The following RFX4 variants were observed in gnomAD, a reference collection of about 807,000 sequenced individuals.
RFX4 encodes the protein regulatory factor X4.
Under a neutral mutation model 95.0 loss-of-function variants are expected in RFX4, and 10 were observed. The ratio of observed to expected loss-of-function variants is 0.11; its 90% CI spans 0.06 to 0.18. The LOEUF (loss-of-function observed/expected upper bound fraction) is 0.18. RFX4 is among the 10% of genes least tolerant of loss of function. RFX4 has a pLI of 1.00. For synonymous variants in RFX4, 321 were observed against 340.7 expected (o/e 0.94, Z 0.64); for missense variants, 640 against 922.0 (o/e 0.69, Z 3.96).
chr12:106,722,544 G>A (rs2042415658), intron 13 of RFX4, among the ~76,000 whole-genome samples: 1 of 152,182 alleles, frequency 6.6e-6, no homozygotes, highest in Admixed American at 6.5e-5. Context: ...CTTGAAATGT[G>A]TTTCTTTTTG....
chr12:106,753,515 A>G (rs1435110451), intron 17 of RFX4, among the ~76,000 whole-genome samples: 1 of 152,102 alleles, frequency 6.6e-6, no homozygotes, highest in Non-Finnish European at 1.5e-5. Context: ...CTGAAGGCAA[A>G]GATGAAGTCC....
intron 1 of RFX4, among the ~76,000 whole-genome samples, chr12:106,594,288 T>C (rs181858686): frequency 2.5e-3 from 380 of 152,308 alleles, no homozygotes; most frequent in African/African-American, 8.5e-3. Context: ...TTTTAAGCTT[T>C]GGAGAGAAGA....
At chr12:106,722,866 G>T (rs1045608643) in intron 13 of RFX4, among the ~76,000 whole-genome samples, 1 of 152,186 alleles carries the variant, frequency 6.6e-6, no homozygotes, top group Non-Finnish European at 1.5e-5. Context: ...CCCAGTTGGT[G>T]GTTGTGTTTG....
chr12:106,739,000 C>T (rs2042760137), intron 15 of RFX4, among the ~76,000 whole-genome samples: 1 of 149,980 alleles, frequency 6.7e-6, no homozygotes, highest in South Asian at 2.2e-4. Context: ...GTTTTCATGC[C>T]CAGTTAATTT....
rs58283896 is a variant in RFX4, at chr12:106,714,068, C to CAAAAAAAAA, written c.994-1317_994-1309dup. Among the ~76,000 whole-genome samples the CAAAAAAAAA allele has an allele frequency of 4.5e-3, 138 of 30,514 alleles. 13 individuals carry two copies. The highest frequency in any genetic ancestry group is 0.019 in the African/African-American group (120 of 6,478). The allele number at this position is 30,514 out of a possible 152,430, so 20.0% of individuals were successfully genotyped here. A position where few individuals can be genotyped will look rare whatever the true frequency, so the allele number is the denominator to read the frequency against. ...GGGCAACAAGAGTGAAACTCCATCT[C>CAAAAAAAAA]AAAAAAAAAAAAAAAAAAAAAAAGC... On this transcript the variant is annotated intron_variant, in intron 10 of 17. Coordinates refer to ENST00000392842, the MANE Select transcript of RFX4 (RefSeq NM_213594.3).
intron 8 of RFX4, among the ~76,000 whole-genome samples, chr12:106,706,421 G>A (rs942594539): frequency 6.6e-6 from 1 of 152,198 alleles, no homozygotes; most frequent in South Asian, 2.1e-4. Context: ...CTGTAAGTCC[G>A]GATGAGAGAT....
At chr12:106,709,874 C>G (rs760944763) in intron 9 of RFX4, among the ~76,000 whole-genome samples, 2 of 152,216 alleles carry the variant, frequency 1.3e-5, no homozygotes, top group Non-Finnish European at 2.9e-5. Context: ...GAATCAAACT[C>G]AGGTCTCAGA....
intron 2 of RFX4, among the ~76,000 whole-genome samples, chr12:106,629,781 T>C (rs1432787404): frequency 1.3e-5 from 2 of 152,206 alleles, no homozygotes; most frequent in African/African-American, 4.8e-5. Context: ...TCTTTCCAGC[T>C]AATTTTTTAA....
chr12:106,601,198 TG>T (rs1364734052), intron 1 of RFX4: 3 of 1,536,396 alleles, frequency 2.0e-6, no homozygotes, highest in African/African-American at 1.4e-5. Context: ...GCTGGCTTCC[TG>T]GGCTTCTCCA....
intron 15 of RFX4, among the ~76,000 whole-genome samples, chr12:106,734,444 A>G (rs2042671826): frequency 6.6e-6 from 1 of 151,862 alleles, no homozygotes; most frequent in African/African-American, 2.4e-5. Context: ...AAAAATACAA[A>G]AATTAGCCGG....
intron 2 of RFX4, 125 bp from the exon 3 acceptor site, chr12:106,639,207 T>C (rs2040569625): frequency 1.3e-6 from 1 of 750,338 alleles, no homozygotes; most frequent in Non-Finnish European, 2.1e-6. Context: ...AAAGCCAAAA[T>C]ATTGTTTCAA....
chr12:106,629,555 A>C (rs2040374000), intron 2 of RFX4, among the ~76,000 whole-genome samples: 1 of 152,094 alleles, frequency 6.6e-6, no homozygotes, highest in Non-Finnish European at 1.5e-5. Context: ...ATCGTGGCTC[A>C]CTGCAGCCTC....
At chr12:106,671,668 T>G (rs953238711) in intron 4 of RFX4, among the ~76,000 whole-genome samples, 8 of 152,080 alleles carry the variant, frequency 5.3e-5, no homozygotes, top group African/African-American at 1.9e-4. Flanking sequence ...TTTCTTTTCT[T>G]TCTTTTGTTT....
chr12:106,749,746 G>A (rs536522316), intron 16 of RFX4, among the ~76,000 whole-genome samples: 44 of 152,228 alleles, frequency 2.9e-4, no homozygotes, highest in African/African-American at 9.6e-4. Context: ...ATGACCGTGC[G>A]CAGCATTTTT....
chr12:106,719,494 C>T (rs2042357249), intron 11 of RFX4, among the ~76,000 whole-genome samples: 1 of 152,132 alleles, frequency 6.6e-6, no homozygotes, highest in African/African-American at 2.4e-5. Flanking sequence ...GACACACATG[C>T]CCACCCAACT....
rs2042373477 is a variant in RFX4 at position 106,720,399 on chromosome 12, T to G, written c.1233+345T>G. 1.3e-5 allele frequency among the ~76,000 whole-genome samples: 2 copies of G among 152,228 alleles called. No individual in the cohort carries two copies. Among genetic ancestry groups the G allele is most frequent in the African/African-American group, 2.4e-5 (1 of 41,450 alleles). On this transcript the variant is annotated intron_variant, in intron 12 of 17. Transcript: ENST00000392842. The surrounding 1 kb of genome is among the most constrained non-coding windows in gnomAD (Gnocchi z 4.2). ...TTTTCTGTATTTATTTATTTATTTTTGAGACAGGGTCTCACTTTGTTGCCC... is the reference window on the plus strand; with the variant it reads ...TTTTCTGTATTTATTTATTTATTTTGGAGACAGGGTCTCACTTTGTTGCCC...
intron 4 of RFX4, among the ~76,000 whole-genome samples, chr12:106,658,164 G>A (rs527997891): frequency 2.0e-5 from 3 of 152,238 alleles, no homozygotes; most frequent in South Asian, 2.1e-4. Flanking sequence ...TTACTTGTCA[G>A]GGACCATGTG....
In RFX4 at chr12:106,697,863, T is replaced by C. The variant is rs536001091; in HGVS notation, c.833+1417T>C. ...GACATCTTTGCATTTACCCTGACCTTAAGGGGAAAGCATTCAGTATTTACT... is the reference window on the plus strand; with the variant it reads ...GACATCTTTGCATTTACCCTGACCTCAAGGGGAAAGCATTCAGTATTTACT... On this transcript the variant is annotated intron_variant, in intron 8 of 17. Coordinates refer to ENST00000392842, the MANE Select transcript of RFX4 (RefSeq NM_213594.3). Among the ~76,000 whole-genome samples the C allele has an allele frequency of 7.2e-5, 11 of 152,260 alleles. No homozygotes were observed. The East Asian group carries it at 2.1e-3, about 29-fold the overall frequency.
intron 17 of RFX4, among the ~76,000 whole-genome samples, chr12:106,753,730 C>T (rs990198474): frequency 6.6e-6 from 1 of 152,210 alleles, no homozygotes; most frequent in African/African-American, 2.4e-5. Context: ...AGGCACCACC[C>T]CCTGCCGCCT....
Sources: allele counts gnomAD v4.1 joint callset (sites outside exome capture counted in the v4.1 genomes callset), GRCh38; gene constraint gnomAD v4.1.1; non-coding constraint Gnocchi (gnomAD v3.1); transcripts MANE v1.5; gene names NCBI Gene and HGNC (gene_info 2026-07-23, HGNC 2026-07-21).